ANO6: variants seen among roughly 807,000 people sequenced by gnomAD.
ANO6 encodes the protein anoctamin 6.
ANO6 carries 106 observed loss-of-function variants against 117.5 expected under a neutral mutation model. The ratio of observed to expected loss-of-function variants is 0.90; its 90% CI spans 0.77 to 1.06. The LOEUF is 1.06. Among genes scored for constraint, ANO6 ranks in the 50% least tolerant of loss-of-function variants. The pLI is 0.00. For missense variants in ANO6, 955 were observed against 1,121.1 expected, an observed-to-expected ratio of 0.85 and a Z score of 2.12; for synonymous variants, 367 against 385.1, an observed-to-expected ratio of 0.95 and a Z score of 0.55.
intron 7 of ANO6, among the ~76,000 whole-genome samples, chr12:45,354,383 G>A (rs1395699151): frequency 6.6e-6 from 1 of 152,182 alleles, no homozygotes; most frequent in African/African-American, 2.4e-5. Context: ...TGCTCAAACT[G>A]TTAAGTATGA....
chr12:45,367,773 A>G lies in ANO6; in HGVS notation c.1084A>G (p.Ile362Val). 1 of 1,613,596 alleles carries G rather than the reference A, an allele frequency of 6.2e-7. No homozygotes were observed. Among genetic ancestry groups the G allele is most frequent in the Non-Finnish European group, 8.5e-7 (1 of 1,179,774 alleles). The change falls in exon 9 of 20, where the codon ATT becomes GTT. Residue 362 changes from isoleucine (I) to valine (V), a missense_variant. Transcript: ENST00000320560. ...GCTTTGTCCATTCTGGAAACTCAAT[A>G]TTACTTGCGAGTCCTCAAAGGTAAT... is the stretch of plus-strand genomic sequence containing the variant. ...DRLCPFWKLN[I>V]TCESSKKLCI...
At chr12:45,239,054 A>G (rs978842662) in intron 1 of ANO6, among the ~76,000 whole-genome samples, 3 of 152,226 alleles carry the variant, frequency 2.0e-5, no homozygotes, top group African/African-American at 7.2e-5. Context: ...TGCTGGCCTC[A>G]TAAAATGAGT....
chr12:45,304,843 A>AC (rs1939613897), intron 2 of ANO6, among the ~76,000 whole-genome samples: 1 of 152,206 alleles, frequency 6.6e-6, no homozygotes, highest in Admixed American at 6.5e-5. Flanking sequence ...TAATGTGACT[A>AC]GTTAGGTAAA....
chr12:45,235,765 G>A (rs1014263569), intron 1 of ANO6, among the ~76,000 whole-genome samples: 1 of 152,164 alleles, frequency 6.6e-6, no homozygotes. Flanking sequence ...CCAAAAAGTT[G>A]AGAACTACTC....
intron 8 of ANO6, among the ~76,000 whole-genome samples, chr12:45,366,460 A>G (rs555091695): frequency 6.6e-6 from 1 of 152,192 alleles, no homozygotes; most frequent in East Asian, 1.9e-4. Context: ...TCATATGGAT[A>G]TCCTGTTGTA....
chr12:45,266,069 A>T (rs1394971976), intron 1 of ANO6, among the ~76,000 whole-genome samples: 3 of 152,224 alleles, frequency 2.0e-5, no homozygotes, highest in Non-Finnish European at 2.9e-5. Flanking sequence ...TCCCCTGGCC[A>T]TTCAAGGCAA....
intron 3 of ANO6, among the ~76,000 whole-genome samples, chr12:45,333,115 T>C (rs775868153): frequency 1.8e-4 from 28 of 152,088 alleles, no homozygotes; most frequent in Non-Finnish European, 3.4e-4. Flanking sequence ...AATTGGATCC[T>C]AATACTTAGC....
chr12:45,372,876 G>A (rs1178967355), intron 9 of ANO6, among the ~76,000 whole-genome samples: 1 of 152,148 alleles, frequency 6.6e-6, no homozygotes, highest in African/African-American at 2.4e-5. Context: ...AACTTTAAAT[G>A]TCAATGGACT....
intron 2 of ANO6, among the ~76,000 whole-genome samples, chr12:45,327,686 C>G (rs918762473): frequency 5.4e-4 from 82 of 152,224 alleles, no homozygotes; most frequent in African/African-American, 1.9e-3. Flanking sequence ...CTCTTGCATG[C>G]ATGTATGTCC....
At chr12:45,358,943 C>T (rs187661527) in intron 8 of ANO6, among the ~76,000 whole-genome samples, 1 of 152,144 alleles carries the variant, frequency 6.6e-6, no homozygotes, top group Non-Finnish European at 1.5e-5. Context: ...GCCACCACAC[C>T]CGGCTAATTT....
At chr12:45,292,059 C>T (rs545292935) in intron 1 of ANO6, among the ~76,000 whole-genome samples, 1 of 152,290 alleles carries the variant, frequency 6.6e-6, no homozygotes, top group South Asian at 2.1e-4. Flanking sequence ...GGAAACAACA[C>T]CCGTGTCCAT....
At chr12:45,272,706 A>C (rs1322202673) in intron 1 of ANO6, among the ~76,000 whole-genome samples, 3 of 152,168 alleles carry the variant, frequency 2.0e-5, no homozygotes, top group African/African-American at 7.2e-5. Context: ...AACCATTGGG[A>C]ATATAAATTG....
chr12:45,355,621 G>A lies in ANO6; in HGVS notation c.864-1669G>A, dbSNP rs938367911. Among the ~76,000 whole-genome samples the A allele has an allele frequency of 2.6e-5, 4 of 152,250 alleles. No homozygotes were observed. The South Asian group carries it at 6.2e-4, about 24-fold the overall frequency. On this transcript the variant is annotated intron_variant, in intron 7 of 19. Transcript: ENST00000320560. ...TCCCGGGCTGTATCCTGAACCTGCC[G>A]TTTGCCTGCCTTCCATGAGCCAGAG... is the stretch of plus-strand genomic sequence containing the variant.
chr12:45,318,700 T>C (rs576816135), intron 2 of ANO6, among the ~76,000 whole-genome samples: 5 of 152,278 alleles, frequency 3.3e-5, no homozygotes, highest in African/African-American at 1.2e-4. Context: ...ATTGAATCTA[T>C]AAATTACCTT....
At chr12:45,333,393 T>C (rs1940731653) in intron 3 of ANO6, among the ~76,000 whole-genome samples, 1 of 152,042 alleles carries the variant, frequency 6.6e-6, no homozygotes, top group Admixed American at 6.6e-5. Flanking sequence ...TAAGTATCCA[T>C]ATGCCAATGG....
intron 12 of ANO6, among the ~76,000 whole-genome samples, chr12:45,393,144 G>T (rs1417588001): frequency 6.6e-6 from 1 of 152,166 alleles, no homozygotes; most frequent in Non-Finnish European, 1.5e-5. Flanking sequence ...ATGTAGAGAA[G>T]ACCTTAAATG....
intron 1 of ANO6, among the ~76,000 whole-genome samples, chr12:45,246,068 T>C (rs1371575767): frequency 6.6e-6 from 1 of 152,152 alleles, no homozygotes; most frequent in East Asian, 1.9e-4. Context: ...GGAGAGAAAT[T>C]AGCTTAAAGC....
intron 19 of ANO6, among the ~76,000 whole-genome samples, chr12:45,428,205 A>AGGGG (rs1565776396): frequency 1.3e-5 from 2 of 152,238 alleles, no homozygotes; most frequent in African/African-American, 4.8e-5. Context: ...AACAACCTCA[A>AGGGG]TGCCTGTTCA....
intron 10 of ANO6, among the ~76,000 whole-genome samples, chr12:45,378,817 T>G (rs1203386255): frequency 2.0e-5 from 3 of 152,172 alleles, no homozygotes; most frequent in South Asian, 4.1e-4. Context: ...GGGTGAGCTT[T>G]CTTTCTCATA....
Sources: allele counts gnomAD v4.1 joint callset (sites outside exome capture counted in the v4.1 genomes callset), GRCh38; gene constraint gnomAD v4.1.1; transcripts MANE v1.5; gene names NCBI Gene and HGNC (gene_info 2026-07-23, HGNC 2026-07-21).